SSBP3: variants seen among roughly 807,000 people sequenced by gnomAD.
SSBP3 encodes single-stranded DNA-binding protein 3.
In SSBP3, 5 loss-of-function variants were observed where a neutral mutation model predicts 69.6. That is an observed-to-expected ratio of 0.07 (90% CI 0.04 to 0.15). The LOEUF (loss-of-function observed/expected upper bound fraction) is 0.15, where lower values mean the gene tolerates loss of function less well. SSBP3 is among the 10% of genes least tolerant of loss of function. SSBP3 has a pLI of 1.00. For missense variants in SSBP3, 312 were observed against 534.0 expected (o/e 0.58, Z 4.10); for synonymous variants, 196 against 193.4 (o/e 1.01, Z -0.11).
At chr1:54,298,417 C>T (rs1283326248) in intron 4 of SSBP3, among the ~76,000 whole-genome samples, 1 of 152,136 alleles carries the variant, frequency 6.6e-6, no homozygotes. Context: ...CTGCCTACTC[C>T]CACCACTCTG....
intron 13 of SSBP3, among the ~76,000 whole-genome samples, chr1:54,240,117 C>T (rs550320078): frequency 1.9e-3 from 5 of 2,622 alleles, no homozygotes; most frequent in Non-Finnish European, 4.0e-3. Context: ...TGCGCGCGCG[C>T]GCGCAACACA....
At chr1:54,275,621 G>A (rs1179164319) in intron 5 of SSBP3, among the ~76,000 whole-genome samples, 2 of 152,198 alleles carry the variant, frequency 1.3e-5, no homozygotes, top group Admixed American at 6.5e-5. Context: ...CAGTGCCCAA[G>A]GCTCTCCACT....
intron 4 of SSBP3, among the ~76,000 whole-genome samples, chr1:54,348,257 G>GGGGGGGGGGGGGGGGGA: frequency 8.1e-6 from 1 of 123,456 alleles, no homozygotes. Flanking sequence ...CGGGGGGGGG[G>GGGGGGGGGGGGGGGGGA]GGGCGGGTGA....
At chr1:54,375,204 A>G (rs145583015) in intron 4 of SSBP3, among the ~76,000 whole-genome samples, 1 of 152,340 alleles carries the variant, frequency 6.6e-6, no homozygotes, top group Admixed American at 6.5e-5. Flanking sequence ...AGCCATCATC[A>G]GACAGCCTGA....
At chr1:54,231,288 T>C (rs1010157187) in intron 14 of SSBP3, among the ~76,000 whole-genome samples, 5 of 152,252 alleles carry the variant, frequency 3.3e-5, no homozygotes, top group Non-Finnish European at 5.9e-5. Flanking sequence ...TCCTAATGAC[T>C]AACGATGCTG....
chr1:54,383,902 C>G (rs1372632167), intron 4 of SSBP3, among the ~76,000 whole-genome samples: 1 of 151,978 alleles, frequency 6.6e-6, no homozygotes, highest in South Asian at 2.1e-4. Flanking sequence ...GTCAGGAGAT[C>G]GAGACCATCC....
intron 4 of SSBP3, among the ~76,000 whole-genome samples, chr1:54,283,476 T>A (rs1176559206): frequency 6.6e-6 from 1 of 152,160 alleles, no homozygotes; most frequent in African/African-American, 2.4e-5. Flanking sequence ...CTTTCTGAAT[T>A]TGCTTCCTGT....
At position 54,240,081 on chromosome 1, in the gene SSBP3, T is replaced by TGCGCGC. The variant is rs1195248735; in HGVS notation, c.856+823_856+824insGCGCGC. 9.5e-4 allele frequency among the ~76,000 whole-genome samples: 28 copies of TGCGCGC among 29,416 alleles called. 1 individual carries two copies. The highest frequency in any genetic ancestry group is 3.3e-3 in the South Asian group (3 of 916). 19.3% of individuals were successfully genotyped at this position (29,416 alleles called of 152,430 possible). A position where few individuals can be genotyped will look rare whatever the true frequency, so the allele number is the denominator to read the frequency against. On this transcript the variant is annotated intron_variant, in intron 13 of 17. Coordinates refer to ENST00000610401, the Ensembl canonical transcript of SSBP3. ...GTGTGTGTGTGTGTGTGTGTGTGTG[T>TGCGCGC]GTGTGTGCGCGCGCGCGCGTGTGCG...
chr1:54,291,670 CAG>C (rs1357277474), intron 4 of SSBP3, among the ~76,000 whole-genome samples: 1 of 152,228 alleles, frequency 6.6e-6, no homozygotes, highest in Admixed American at 6.5e-5. Context: ...AACGATTCAT[CAG>C]AGTCATTAAT....
chr1:54,348,159 G>C (rs1023926159), intron 4 of SSBP3, among the ~76,000 whole-genome samples: 2 of 146,914 alleles, frequency 1.4e-5, no homozygotes, highest in Non-Finnish European at 3.0e-5. Context: ...ATCGGGTGGC[G>C]GACTCTGCCC....
intron 4 of SSBP3, among the ~76,000 whole-genome samples, chr1:54,360,523 A>G (rs1038975431): frequency 6.6e-6 from 1 of 152,202 alleles, no homozygotes; most frequent in African/African-American, 2.4e-5. Context: ...ATGTATCTGA[A>G]AGCCTGTGAC....
At chr1:54,372,338 T>A (rs1258735345) in intron 4 of SSBP3, among the ~76,000 whole-genome samples, 1 of 152,142 alleles carries the variant, frequency 6.6e-6, no homozygotes, top group Non-Finnish European at 1.5e-5. Flanking sequence ...TCACTGGCCA[T>A]AATCCTCCAA....
At chr1:54,349,613 G>A (rs1646748958) in intron 4 of SSBP3, among the ~76,000 whole-genome samples, 1 of 152,002 alleles carries the variant, frequency 6.6e-6, no homozygotes, top group Non-Finnish European at 1.5e-5. Context: ...GGCTTTTACA[G>A]GAAGCAGGTA....
chr1:54,381,382 C>CAAAA lies in SSBP3; in HGVS notation c.276+20475_276+20478dup, dbSNP rs59809996. Among the ~76,000 whole-genome samples the CAAAA allele has an allele frequency of 3.7e-3, 257 of 69,356 alleles. 3 individuals carry two copies. Among genetic ancestry groups the CAAAA allele is most frequent in the Non-Finnish European group, 4.5e-3 (145 of 32,344 alleles). 45.5% of individuals were successfully genotyped at this position (69,356 alleles called of 152,430 possible). On this transcript the variant is annotated intron_variant, in intron 4 of 17. Transcript: ENST00000610401. Reference sequence around the variant, plus strand: ...TGGGCGACAGAGTGATACACCATCTCAAAAAAAAAAAAAAAAAAAAAAAAA... The same window carrying CAAAA: ...TGGGCGACAGAGTGATACACCATCTCAAAAAAAAAAAAAAAAAAAAAAAAAAAAA...
chr1:54,302,506 T>C (rs530741015), intron 4 of SSBP3, among the ~76,000 whole-genome samples: 96 of 152,212 alleles, frequency 6.3e-4, no homozygotes, highest in African/African-American at 2.2e-3. Flanking sequence ...GAGATGGGGT[T>C]TCATCATGTT....
intron 4 of SSBP3, among the ~76,000 whole-genome samples, chr1:54,311,487 T>G (rs529107534): frequency 6.6e-6 from 1 of 152,084 alleles, no homozygotes; most frequent in African/African-American, 2.4e-5. Flanking sequence ...CCAGGGACAA[T>G]GGAGGTAAAA....
chr1:54,236,900 C>A (rs1644504952), intron 14 of SSBP3: 1 of 152,172 alleles, frequency 6.6e-6, no homozygotes, highest in Non-Finnish European at 1.5e-5. Flanking sequence ...GAGGTGTGAA[C>A]ATTTAGCAGG....
At chr1:54,354,920 G>A (rs963189356) in intron 4 of SSBP3, among the ~76,000 whole-genome samples, 1 of 152,152 alleles carries the variant, frequency 6.6e-6, no homozygotes, top group Non-Finnish European at 1.5e-5. Context: ...AGAGCAAAGG[G>A]GTAGAAAAGA....
In SSBP3 at chr1:54,404,656, A is replaced by C. The variant is rs745324000; in HGVS notation, c.130-19T>G. On this transcript the variant is annotated intron_variant, in intron 2 of 17. Transcript: ENST00000610401. ...ATCGAATCTGGAAAGGTAAGAGCAG[A>C]AGCAGCTTAGAGGAGCAGAGACGGG... 2.2e-5 allele frequency: 35 copies of C among 1,613,924 alleles called. No homozygotes were observed. Among genetic ancestry groups the C allele is most frequent in the Non-Finnish European group, 3.0e-5 (35 of 1,179,832 alleles).
Sources: allele counts gnomAD v4.1 joint callset (sites outside exome capture counted in the v4.1 genomes callset), GRCh38; gene constraint gnomAD v4.1.1; transcripts MANE v1.5; gene names NCBI Gene and HGNC (gene_info 2026-07-23, HGNC 2026-07-21).